IQGAP1: variants seen among roughly 807,000 people sequenced by gnomAD.
The protein encoded by IQGAP1 is ras GTPase-activating-like protein IQGAP1.
Under a neutral mutation model 215.6 loss-of-function variants are expected in IQGAP1, and 66 were observed. The ratio of observed to expected loss-of-function variants is 0.31; its 90% CI spans 0.25 to 0.38. The LOEUF (loss-of-function observed/expected upper bound fraction) is 0.38, where lower values mean the gene tolerates loss of function less well. Ranked by LOEUF, IQGAP1 falls within the 10% of genes least tolerant of loss-of-function variation. The probability of loss-of-function intolerance (pLI) is 1.00; values close to 1 mark genes in which losing one functional copy is unlikely to be tolerated. For synonymous variants in IQGAP1, 772 were observed against 728.7 expected (o/e 1.06, Z -0.96); for missense variants, 1,712 against 1,997.1 (o/e 0.86, Z 2.72).
chr15:90,486,788 T>TAA lies in IQGAP1; in HGVS notation c.4025-166_4025-165insAA. The stretch of plus-strand genomic sequence containing the variant: ...TATTATGGATCCCTTGCCTTTATCA[T>TAA]TTGGCATAACATTTTATTTCTCAGT... On this transcript the variant is annotated intron_variant, in intron 31 of 37. Coordinates refer to ENST00000268182, the MANE Select transcript of IQGAP1 (RefSeq NM_003870.4). The TAA allele has an allele frequency of 4.5e-6, 3 of 666,822 alleles. No homozygotes were observed. In the South Asian group the frequency reaches 5.8e-5, roughly 13 times the overall value. The allele number at this position is 666,822 out of a possible 1,614,324, so 41.3% of individuals were successfully genotyped here.
chr15:90,487,422 G>A, intron 32 of IQGAP1, 73 bp from the exon 33 acceptor site: 1 of 1,068,932 alleles, frequency 9.4e-7, no homozygotes, highest in Non-Finnish European at 1.4e-6. Flanking sequence ...TGCTGCTGCT[G>A]CTGCTGCTTC....
chr15:90,487,712 G>A (rs1966146549), intron 33 of IQGAP1, 130 bp downstream of exon 33: 2 of 648,572 alleles, frequency 3.1e-6, no homozygotes, highest in Non-Finnish European at 5.4e-6. Flanking sequence ...GTAACTGGGG[G>A]ACAGTGGTAG....
chr15:90,435,457 C>T (rs1408012725), intron 5 of IQGAP1, among the ~76,000 whole-genome samples: 1 of 152,190 alleles, frequency 6.6e-6, no homozygotes, highest in East Asian at 1.9e-4. Context: ...GCCTGGATGA[C>T]AGAGCGAGAC....
intron 30 of IQGAP1, among the ~76,000 whole-genome samples, chr15:90,485,121 A>G (rs1567141934): frequency 6.6e-6 from 1 of 152,102 alleles, no homozygotes; most frequent in African/African-American, 2.4e-5. Flanking sequence ...GATTTTTCAA[A>G]TCATTTTTTC....
chr15:90,389,940 A>G lies in IQGAP1; in HGVS notation c.56-834A>G, dbSNP rs193062891. Among the ~76,000 whole-genome samples, 11 of 141,714 alleles carry G rather than the reference A, an allele frequency of 7.8e-5. No homozygotes were observed. In the East Asian group the frequency reaches 1.9e-3, roughly 25 times the overall value. The allele number at this position is 141,714 out of a possible 152,430, so 93.0% of individuals were successfully genotyped here. A position where few individuals can be genotyped will look rare whatever the true frequency, so the allele number is the denominator to read the frequency against. Reference sequence around the variant, plus strand: ...ACTGCACTCGAGCCGGAGTGACAGAACAAGACCCTGTCTCAAAAAAAAAAA... The same window carrying G: ...ACTGCACTCGAGCCGGAGTGACAGAGCAAGACCCTGTCTCAAAAAAAAAAA... On this transcript the variant is annotated intron_variant, in intron 1 of 37. Transcript: ENST00000268182.
chr15:90,417,391 G>A, intron 2 of IQGAP1, among the ~76,000 whole-genome samples: 1 of 152,114 alleles, frequency 6.6e-6, no homozygotes, highest in Non-Finnish European at 1.5e-5. Context: ...TGTATAACGT[G>A]TAAGGAAGGG....
intron 23 of IQGAP1, 192 bp downstream of exon 23, chr15:90,474,885 C>T (rs1271977575): frequency 8.8e-6 from 5 of 565,148 alleles, no homozygotes; most frequent in African/African-American, 7.5e-5. Flanking sequence ...TCTCAGCTCA[C>T]TGCAACCTCT....
At chr15:90,391,461 A>G (rs1187222017) in intron 2 of IQGAP1, 1 of 152,162 alleles carries the variant, frequency 6.6e-6, no homozygotes, top group Non-Finnish European at 1.5e-5. Flanking sequence ...GGCGTTACCA[A>G]CTGTGGGGTG....
intron 14 of IQGAP1, among the ~76,000 whole-genome samples, chr15:90,455,030 C>T (rs188698159): frequency 3.3e-5 from 5 of 152,112 alleles, no homozygotes; most frequent in Non-Finnish European, 4.4e-5. Flanking sequence ...GCTAGACTTA[C>T]GATTAAAATT....
At chr15:90,495,297 T>C (rs1465520678) in intron 36 of IQGAP1, among the ~76,000 whole-genome samples, 1 of 152,214 alleles carries the variant, frequency 6.6e-6, no homozygotes, top group Non-Finnish European at 1.5e-5. Flanking sequence ...CCCAGCGTCA[T>C]TAGCAAGCAT....
At chr15:90,470,713 C>T (rs1243580976) in intron 18 of IQGAP1, among the ~76,000 whole-genome samples, 2 of 152,118 alleles carry the variant, frequency 1.3e-5, no homozygotes, top group Non-Finnish European at 2.9e-5. Flanking sequence ...GTGTGGTTTC[C>T]TGTCCAGCTT....
intron 18 of IQGAP1, 61 bp from the exon 19 acceptor site, chr15:90,472,779 G>C: frequency 6.7e-7 from 1 of 1,496,984 alleles, no homozygotes; most frequent in Non-Finnish European, 9.1e-7. Context: ...ATGATACTTC[G>C]TGAAAACCTG....
intron 36 of IQGAP1, 26 bp downstream of exon 36, chr15:90,494,861 A>C: frequency 6.4e-7 from 1 of 1,561,768 alleles, no homozygotes; most frequent in Non-Finnish European, 8.7e-7. Flanking sequence ...TTGTTTTATA[A>C]GTTGATTTTT....
chr15:90,393,313 A>G (rs574481022), intron 2 of IQGAP1, among the ~76,000 whole-genome samples: 1 of 152,308 alleles, frequency 6.6e-6, no homozygotes, highest in South Asian at 2.1e-4. Flanking sequence ...ACATTGCATA[A>G]TATATACTTG....
intron 36 of IQGAP1, among the ~76,000 whole-genome samples, chr15:90,495,751 C>T (rs934608626): frequency 1.1e-4 from 16 of 149,790 alleles, no homozygotes; most frequent in Non-Finnish European, 2.4e-4. Flanking sequence ...AATTCTCCCA[C>T]CTCAGCCTCC....
chr15:90,401,452 A>G (rs1964803484), intron 2 of IQGAP1, among the ~76,000 whole-genome samples: 2 of 152,258 alleles, frequency 1.3e-5, no homozygotes, highest in African/African-American at 4.8e-5. Context: ...CCCCAAAACA[A>G]AAAACCAAAA....
intron 2 of IQGAP1, among the ~76,000 whole-genome samples, chr15:90,396,856 T>C (rs190498891): frequency 7.1e-6 from 1 of 141,500 alleles, no homozygotes; most frequent in African/African-American, 2.8e-5. Context: ...GCAAAAAAAA[T>C]TTTTTTTTTT....
In IQGAP1 at chr15:90,482,187, C is replaced by T; in HGVS notation, c.3471-10C>T. The stretch of plus-strand genomic sequence containing the variant: ...TTGGCCCTTCTCACTAAGTTTTGTC[C>T]ATCCCGCAGTTATGGGATGCGCTTC... On this transcript the variant is annotated splice_polypyrimidine_tract_variant and intron_variant, in intron 27 of 37. Coordinates refer to ENST00000268182, the MANE Select transcript of IQGAP1 (RefSeq NM_003870.4). 6.2e-7 allele frequency: 1 copy of T among 1,614,174 alleles called. No homozygotes were observed. Among genetic ancestry groups the T allele is most frequent in the South Asian group, 1.1e-5 (1 of 91,066 alleles).
At chr15:90,391,020 G>A (rs568001850) in intron 2 of IQGAP1, 147 bp downstream of exon 2, 1 of 581,554 alleles carries the variant, frequency 1.7e-6, no homozygotes, top group East Asian at 3.0e-5. Context: ...GGAATCACTT[G>A]AACCCAGCTG....
Sources: allele counts gnomAD v4.1 joint callset (sites outside exome capture counted in the v4.1 genomes callset), GRCh38; gene constraint gnomAD v4.1.1; transcripts MANE v1.5; gene names NCBI Gene and HGNC (gene_info 2026-07-23, HGNC 2026-07-21).